RUVBL1: variants seen among roughly 807,000 people sequenced by gnomAD.
The protein encoded by RUVBL1 is RuvB like AAA ATPase 1.
A neutral mutation model predicts 52.4 loss-of-function variants in RUVBL1; 4 were observed. The observed-to-expected ratio is 0.08, with a 90% CI of 0.04 to 0.17. The LOEUF (loss-of-function observed/expected upper bound fraction) is 0.17, where lower values mean the gene tolerates loss of function less well. RUVBL1 is among the 10% of genes least tolerant of loss of function. The pLI is 1.00. For synonymous variants in RUVBL1, 217 were observed against 214.4 expected (o/e 1.01, Z -0.10); for missense variants, 298 against 572.8 (o/e 0.52, Z 4.90).
At chr3:128,143,151 C>T (rs1334599672) in intron 1 of RUVBL1, among the ~76,000 whole-genome samples, 6 of 150,066 alleles carry the variant, frequency 4.0e-5, no homozygotes, top group Admixed American at 2.0e-4. Context: ...AGGATAATCT[C>T]CTCATCTCAA....
At chr3:128,150,655 C>CATATTCTATACATATATTCTATAT in intron 1 of RUVBL1, among the ~76,000 whole-genome samples, 1 of 129,672 alleles carries the variant, frequency 7.7e-6, no homozygotes, top group East Asian at 2.2e-4. Flanking sequence ...ATATTCTATA[C>CATATTCTATACATATATTCTATAT]ATATTCTATA....
chr3:128,116,974 G>A (rs1281065676), intron 2 of RUVBL1, among the ~76,000 whole-genome samples: 1 of 152,188 alleles, frequency 6.6e-6, no homozygotes, highest in Non-Finnish European at 1.5e-5. Flanking sequence ...GGTCATGTAG[G>A]AAGACATCCT....
chr3:128,082,610 G>T lies in RUVBL1; in HGVS notation c.1120-36C>A. The stretch of plus-strand genomic sequence containing the variant: ...ATAAAAAACATGATCAACGGTGACT[G>T]ACCTCAAGTGCCCCATTTCTAAAGT... On this transcript the variant is annotated intron_variant, in intron 9 of 10. Coordinates refer to ENST00000322623, the MANE Select transcript of RUVBL1 (RefSeq NM_003707.3). The surrounding 1 kb of genome is among the most constrained non-coding windows in gnomAD (Gnocchi z 4.7). The T allele has an allele frequency of 1.3e-6, 2 of 1,482,248 alleles. No individual in the cohort carries two copies. The highest frequency in any genetic ancestry group is 2.3e-5 in the South Asian group (2 of 85,796). 91.8% of individuals were successfully genotyped at this position (1,482,248 alleles called of 1,614,324 possible).
At chr3:128,146,641 T>C (rs1239838034) in intron 1 of RUVBL1, among the ~76,000 whole-genome samples, 1 of 150,924 alleles carries the variant, frequency 6.6e-6, no homozygotes, top group East Asian at 2.0e-4. Context: ...CGTGCATGTA[T>C]GCGTGTGTGT....
At chr3:128,126,506 A>G (rs1943795400), upstream of RUVBL1, among the ~76,000 whole-genome samples, 1 of 151,644 alleles carries the variant, frequency 6.6e-6, no homozygotes, top group African/African-American at 2.4e-5. Context: ...AGATCGTGCC[A>G]TTGCACTCCA....
intron 1 of RUVBL1, among the ~76,000 whole-genome samples, chr3:128,122,340 G>A (rs1012100571): frequency 3.3e-5 from 5 of 152,182 alleles, no homozygotes; most frequent in African/African-American, 1.2e-4. Flanking sequence ...TGATAAAGCA[G>A]CACAGTAAAA....
chr3:128,099,040 C>A, intron 6 of RUVBL1, 95 bp from the exon 7 acceptor site: 1 of 1,048,746 alleles, frequency 9.5e-7, no homozygotes, highest in Non-Finnish European at 1.5e-6. Flanking sequence ...AACATGGGAT[C>A]CTGAGGTATG....
chr3:128,124,514 C>G (rs1943751509), upstream of RUVBL1, among the ~76,000 whole-genome samples: 1 of 152,196 alleles, frequency 6.6e-6, no homozygotes, highest in Non-Finnish European at 1.5e-5. Flanking sequence ...TCATCACGTC[C>G]CATGACTCCA....
At chr3:128,136,948 C>T (rs571927691) in intron 1 of RUVBL1, among the ~76,000 whole-genome samples, 1 of 152,130 alleles carries the variant, frequency 6.6e-6, no homozygotes, top group Admixed American at 6.5e-5. Flanking sequence ...AACAAAGAAA[C>T]ATGGGACTTA....
intron 7 of RUVBL1, among the ~76,000 whole-genome samples, chr3:128,098,011 TG>T (rs1158107971): frequency 3.3e-5 from 5 of 152,170 alleles, no homozygotes; most frequent in Non-Finnish European, 7.3e-5. Context: ...ACTAAGGAAG[TG>T]GGTGCTTTTA....
intron 2 of RUVBL1, among the ~76,000 whole-genome samples, chr3:128,117,676 G>C (rs1335466736): frequency 1.3e-5 from 2 of 150,618 alleles, no homozygotes; most frequent in African/African-American, 4.9e-5. Context: ...GCAATGGCAT[G>C]ATCTTGGCTC....
chr3:128,153,457 C>A, exon 1 of RUVBL1: 1 of 1,447,298 alleles, frequency 6.9e-7, no homozygotes. Flanking sequence ...CGGCGACTAC[C>A]GAGGGAGGTG....
chr3:128,134,420 C>G (rs985109969), intron 1 of RUVBL1, among the ~76,000 whole-genome samples: 1 of 148,598 alleles, frequency 6.7e-6, no homozygotes, highest in Non-Finnish European at 1.5e-5. Flanking sequence ...AGAGATCATG[C>G]CACTGCACTC....
intron 2 of RUVBL1, among the ~76,000 whole-genome samples, chr3:128,118,142 T>TA (rs1462818423): frequency 6.6e-6 from 1 of 151,962 alleles, no homozygotes; most frequent in African/African-American, 2.4e-5. Flanking sequence ...GTCTAAGATA[T>TA]AAGGAATAGC....
intron 1 of RUVBL1, among the ~76,000 whole-genome samples, chr3:128,120,072 A>G (rs1943608855): frequency 6.6e-6 from 1 of 152,220 alleles, no homozygotes; most frequent in African/African-American, 2.4e-5. Context: ...AATGCACAGT[A>G]TGAGTACAAG....
chr3:128,084,715 A>G (rs1385069027), intron 9 of RUVBL1: 1 of 152,228 alleles, frequency 6.6e-6, no homozygotes, highest in African/African-American at 2.4e-5. Flanking sequence ...CTGCAGGGAT[A>G]GTTTATGAGG....
At chr3:128,106,561 TG>T (rs1380228205) in intron 3 of RUVBL1, among the ~76,000 whole-genome samples, 1 of 152,048 alleles carries the variant, frequency 6.6e-6, no homozygotes, top group African/African-American at 2.4e-5. Context: ...TGCCATAACT[TG>T]CAGACCTTGC....
chr3:128,104,822 C>T lies in RUVBL1; in HGVS notation c.464G>A (p.Ser155Asn), dbSNP rs765128657. 1.2e-6 allele frequency: 2 copies of T among 1,613,556 alleles called. No homozygotes were observed. Among genetic ancestry groups the T allele is most frequent in the Non-Finnish European group, 1.7e-6 (2 of 1,179,514 alleles). The change falls in exon 4 of 11, where the codon AGC becomes AAC. Residue 155 changes from serine (S) to asparagine (N), a missense_variant. This residue lies in a region of RUVBL1 where 58 missense variants were observed against 83.2 expected (regional missense o/e 0.70). Transcript: ENST00000322623. ...TGTTTTGAGTCCTATGATCACATGGCTAATGGTTTTGCCATATCCTCCCAT... is the reference window on the plus strand; with the variant it reads ...TGTTTTGAGTCCTATGATCACATGGTTAATGGTTTTGCCATATCCTCCCAT... Reference protein sequence around the residue: ...NPMGGYGKTISHVIIGLKTAK... With the variant: ...NPMGGYGKTINHVIIGLKTAK...
chr3:128,134,063 A>G (rs1206356502), intron 1 of RUVBL1, among the ~76,000 whole-genome samples: 2 of 152,144 alleles, frequency 1.3e-5, no homozygotes, highest in Non-Finnish European at 2.9e-5. Flanking sequence ...TGAAATAATT[A>G]AAAATAATCA....
Sources: gnomAD v4.1 joint callset for allele counts (sites outside exome capture counted in the v4.1 genomes callset) on GRCh38, gnomAD v4.1.1 for gene constraint, gnomAD v4.1.1 regional missense constraint, Gnocchi (gnomAD v3.1) non-coding constraint, MANE v1.5 for transcripts, NCBI Gene and HGNC (gene_info 2026-07-23, HGNC 2026-07-21) for gene names.